Variants in GALNT13 observed in about 807,000 individuals in gnomAD.
GALNT13 encodes polypeptide N-acetylgalactosaminyltransferase 13.
In GALNT13, 28 loss-of-function variants were observed where a neutral mutation model predicts 64.2. The observed-to-expected ratio is 0.44, with a 90% CI of 0.32 to 0.60. The LOEUF is 0.60. Among genes scored for constraint, GALNT13 ranks in the 20% least tolerant of loss-of-function variants. The pLI, the probability that GALNT13 is intolerant of heterozygous loss-of-function variation, is 0.05. For missense variants in GALNT13, 577 were observed against 669.8 expected, an observed-to-expected ratio of 0.86 and a Z score of 1.53; for synonymous variants, 214 against 224.6, an observed-to-expected ratio of 0.95 and a Z score of 0.42.
At chr2:153,077,610 A>G in the GALNT13 span, among the ~76,000 whole-genome samples, 1 of 152,310 alleles carries the variant, frequency 6.6e-6, no homozygotes, top group African/African-American at 2.4e-5. Flanking sequence ...GTTGCTGTCT[A>G]ATGTAAGCAT....
At chr2:154,154,100 T>C (rs1419301147) in intron 4 of GALNT13, among the ~76,000 whole-genome samples, 2 of 152,226 alleles carry the variant, frequency 1.3e-5, no homozygotes, top group African/African-American at 4.8e-5. Flanking sequence ...CTTATATTTC[T>C]AATATTTTGT....
chr2:153,930,147 T>G (rs957586594), intron 2 of GALNT13, among the ~76,000 whole-genome samples: 1 of 152,194 alleles, frequency 6.6e-6, no homozygotes, highest in African/African-American at 2.4e-5. Context: ...TGCCTTCTTT[T>G]GAGAAGTGTC....
rs78740404 is a variant in GALNT13 at position 153,875,403 on chromosome 2, A to G, written c.-177+3100A>G. ...AGCAAAGACATAATGAAGGTGGAAAATCTGATATTGTTTGAGAGACCTTCT... is the reference window on the plus strand; with the variant it reads ...AGCAAAGACATAATGAAGGTGGAAAGTCTGATATTGTTTGAGAGACCTTCT... On this transcript the variant is annotated intron_variant, in intron 1 of 12. Coordinates refer to ENST00000392825, the MANE Select transcript of GALNT13 (RefSeq NM_052917.4). Among the ~76,000 whole-genome samples, 5 of 152,298 alleles carry G rather than the reference A, an allele frequency of 3.3e-5. No individual in the cohort carries two copies. The East Asian group carries it at 9.6e-4, about 29-fold the overall frequency.
the GALNT13 span, among the ~76,000 whole-genome samples, chr2:153,638,974 G>A: frequency 6.0e-3 from 920 of 152,156 alleles, 12 homozygotes; most frequent in African/African-American, 0.021. Context: ...GTCAACCAGC[G>A]AACACGTGGT....
intron 4 of GALNT13, among the ~76,000 whole-genome samples, chr2:154,212,355 C>T (rs1687822957): frequency 6.6e-6 from 1 of 151,974 alleles, no homozygotes; most frequent in African/African-American, 2.4e-5. Flanking sequence ...AGCGATTCTC[C>T]TACCTCAGCC....
At chr2:154,389,410 A>C (rs902334899) in intron 9 of GALNT13, among the ~76,000 whole-genome samples, 2 of 152,194 alleles carry the variant, frequency 1.3e-5, no homozygotes, top group African/African-American at 4.8e-5. Context: ...AATTGCTGGG[A>C]TTATAGGCAT....
At chr2:154,409,903 CT>C (rs907873039) in intron 11 of GALNT13, among the ~76,000 whole-genome samples, 4 of 151,878 alleles carry the variant, frequency 2.6e-5, no homozygotes, top group African/African-American at 9.7e-5. Flanking sequence ...TACAAAAATA[CT>C]TGTTGATTCT....
intron 4 of GALNT13, among the ~76,000 whole-genome samples, chr2:154,210,597 T>C (rs1687704034): frequency 6.6e-6 from 1 of 152,182 alleles, no homozygotes; most frequent in African/African-American, 2.4e-5. Context: ...ACACAAAACC[T>C]ACAGGGTCCT....
intron 3 of GALNT13, among the ~76,000 whole-genome samples, chr2:154,002,056 G>C (rs1388962286): frequency 3.3e-5 from 5 of 151,986 alleles, no homozygotes; most frequent in African/African-American, 4.8e-5. Context: ...TTGGGGCTCT[G>C]TTGTATTTGG....
At chr2:154,104,857 G>T (rs1337486084) in intron 3 of GALNT13, among the ~76,000 whole-genome samples, 1 of 152,178 alleles carries the variant, frequency 6.6e-6, no homozygotes, top group African/African-American at 2.4e-5. Flanking sequence ...AACCAGTATG[G>T]CACACACTGC....
chr2:153,182,106 T>C, the GALNT13 span, among the ~76,000 whole-genome samples: 102,919 of 150,760 alleles, frequency 0.68, 35,275 homozygotes, highest in East Asian at 0.84. Context: ...TGCAGTGGCA[T>C]GATTTCAGCT....
the GALNT13 span, among the ~76,000 whole-genome samples, chr2:153,227,823 T>C: frequency 7.0e-4 from 106 of 152,344 alleles, no homozygotes; most frequent in Middle Eastern, 3.4e-3. Context: ...TATTATACTT[T>C]GACAGAATTA....
chr2:153,710,085 A>G, the GALNT13 span, among the ~76,000 whole-genome samples: 2 of 152,090 alleles, frequency 1.3e-5, no homozygotes, highest in Non-Finnish European at 2.9e-5. Context: ...TATATTTAAT[A>G]ATAGTGTATT....
chr2:153,850,005 C>CAAAAAAAA, the GALNT13 span, among the ~76,000 whole-genome samples: 95 of 84,682 alleles, frequency 1.1e-3, no homozygotes, highest in African/African-American at 2.7e-3. Flanking sequence ...ACTAAAAATA[C>CAAAAAAAA]AAAAAAAAAA....
the GALNT13 span, among the ~76,000 whole-genome samples, chr2:153,681,802 C>T: frequency 6.6e-6 from 1 of 151,760 alleles, no homozygotes; most frequent in Non-Finnish European, 1.5e-5. Context: ...AAAACATAAG[C>T]ACCAAAGGCA....
At chr2:153,792,109 A>G in the GALNT13 span, among the ~76,000 whole-genome samples, 1 of 152,204 alleles carries the variant, frequency 6.6e-6, no homozygotes, top group African/African-American at 2.4e-5. Context: ...TTGTAATCCT[A>G]CTACATGTTG....
At chr2:153,859,025 G>A in the GALNT13 span, among the ~76,000 whole-genome samples, 1 of 152,096 alleles carries the variant, frequency 6.6e-6, no homozygotes, top group Non-Finnish European at 1.5e-5. Flanking sequence ...TGAGCCACAT[G>A]TCTGGCCAAG....
chr2:154,024,462 C>G (rs1011191427), intron 3 of GALNT13, among the ~76,000 whole-genome samples: 11 of 152,080 alleles, frequency 7.2e-5, no homozygotes, highest in African/African-American at 9.7e-5. Flanking sequence ...TCACTGATAC[C>G]CTTTCTTCCA....
At chr2:154,151,935 A>C (rs184839465) in intron 4 of GALNT13, among the ~76,000 whole-genome samples, 115 of 152,256 alleles carry the variant, frequency 7.6e-4, no homozygotes, top group African/African-American at 2.6e-3. Context: ...TTTACATTTA[A>C]GGCTAATATT....
Sources: gnomAD v4.1 joint callset for allele counts (sites outside exome capture counted in the v4.1 genomes callset) on GRCh38, gnomAD v4.1.1 for gene constraint, MANE v1.5 for transcripts, NCBI Gene and HGNC (gene_info 2026-07-23, HGNC 2026-07-21) for gene names.